Variants in GNB1 observed in about 807,000 individuals in gnomAD.
GNB1 encodes G protein subunit beta 1, also known as guanine nucleotide-binding protein G(I)/G(S)/G(T) subunit beta-1.
A neutral mutation model predicts 42.9 loss-of-function variants in GNB1; 2 were observed. That is an observed-to-expected ratio of 0.05 (90% CI 0.02 to 0.15). GNB1 has a LOEUF of 0.15. Among genes scored for constraint, GNB1 ranks in the 10% least tolerant of loss-of-function variants. The pLI is 1.00. For missense variants in GNB1, 193 were observed against 462.2 expected, an observed-to-expected ratio of 0.42 and a Z score of 5.34; for synonymous variants, 183 against 174.7, an observed-to-expected ratio of 1.05 and a Z score of -0.38.
At chr1:1,810,064 C>A (rs186750125) in intron 5 of GNB1, among the ~76,000 whole-genome samples, 2 of 151,808 alleles carry the variant, frequency 1.3e-5, no homozygotes, top group Admixed American at 6.6e-5. Flanking sequence ...GAGACCCTGT[C>A]TCCACAAAAA....
chr1:1,848,859 A>G (rs1647826671), intron 1 of GNB1, among the ~76,000 whole-genome samples: 1 of 152,158 alleles, frequency 6.6e-6, no homozygotes, highest in Admixed American at 6.5e-5. Flanking sequence ...TTACTTCTAC[A>G]TGTTTTTTGA....
At chr1:1,875,960 A>G (rs1031280572) in intron 1 of GNB1, among the ~76,000 whole-genome samples, 3 of 152,126 alleles carry the variant, frequency 2.0e-5, no homozygotes, top group Non-Finnish European at 4.4e-5. Context: ...CCCTAATCTA[A>G]TAACTATGTC....
rs1346329583 is a variant in GNB1, at chr1:1,787,649, C to A, written c.917-212G>T. On this transcript the variant is annotated intron_variant, in intron 10 of 11. Coordinates refer to ENST00000378609, the MANE Select transcript of GNB1 (RefSeq NM_002074.5). This position sits in a 1 kb window ranked among gnomAD's most constrained non-coding sequence, Gnocchi z 4.4. ...TAAAATTCAAAGACACGCACACACACGCAATCGATAAATCCAGAGCCCCTG... is the reference window on the plus strand; with the variant it reads ...TAAAATTCAAAGACACGCACACACAAGCAATCGATAAATCCAGAGCCCCTG... Among the ~76,000 whole-genome samples the A allele has an allele frequency of 6.6e-6, 1 of 152,166 alleles. No homozygotes were observed. The highest frequency in any genetic ancestry group is 2.4e-5 in the African/African-American group (1 of 41,444).
intron 3 of GNB1, chr1:1,818,190 C>T (rs958107407): frequency 2.6e-5 from 6 of 233,216 alleles, no homozygotes; most frequent in Admixed American, 4.6e-5. Flanking sequence ...CCCACACACC[C>T]GGGACCCTGG....
intron 1 of GNB1, among the ~76,000 whole-genome samples, chr1:1,844,989 A>G (rs1050960879): frequency 1.5e-4 from 23 of 152,230 alleles, no homozygotes; most frequent in African/African-American, 5.5e-4. Context: ...CTGAACAACT[A>G]GAATGTGAAA....
At chr1:1,807,466 A>G (rs1466332865) in intron 5 of GNB1, among the ~76,000 whole-genome samples, 2 of 101,654 alleles carry the variant, frequency 2.0e-5, no homozygotes, top group South Asian at 7.0e-4. Context: ...CCTGACTGAA[A>G]AAAAAAAAAA....
intron 1 of GNB1, among the ~76,000 whole-genome samples, chr1:1,888,045 C>T (rs1332493897): frequency 1.3e-5 from 2 of 152,138 alleles, no homozygotes; most frequent in African/African-American, 4.8e-5. Flanking sequence ...ACAGAATTAA[C>T]TGAAGATATC....
At chr1:1,883,732 G>C (rs532446488) in intron 1 of GNB1, among the ~76,000 whole-genome samples, 1 of 152,346 alleles carries the variant, frequency 6.6e-6, no homozygotes, top group South Asian at 2.1e-4. Flanking sequence ...TGGAAGGGTA[G>C]AAGTTGAACT....
At chr1:1,877,033 G>C (rs1261450957) in intron 1 of GNB1, among the ~76,000 whole-genome samples, 1 of 152,086 alleles carries the variant, frequency 6.6e-6, no homozygotes, top group East Asian at 1.9e-4. Flanking sequence ...AGGCGTGGTG[G>C]CTCATGCCTG....
chr1:1,811,137 G>A lies in GNB1; in HGVS notation c.204-4599C>T, dbSNP rs147245162. 5.3e-3 allele frequency among the ~76,000 whole-genome samples: 792 copies of A among 150,126 alleles called. 4 individuals carry two copies. The highest frequency in any genetic ancestry group is 0.018 in the African/African-American group (752 of 40,706). Reference sequence around the variant, plus strand: ...GTCTCACTCTGTTGCCCAGGCTGGAGTGCAGTGGTGTGATCTTGGCTCACT... The same window carrying A: ...GTCTCACTCTGTTGCCCAGGCTGGAATGCAGTGGTGTGATCTTGGCTCACT... On this transcript the variant is annotated intron_variant, in intron 5 of 11. Coordinates refer to ENST00000378609, the MANE Select transcript of GNB1 (RefSeq NM_002074.5).
intron 1 of GNB1, among the ~76,000 whole-genome samples, chr1:1,861,068 A>C (rs1648596434): frequency 7.1e-6 from 1 of 141,710 alleles, no homozygotes; most frequent in South Asian, 2.2e-4. Context: ...AGATGCTGCC[A>C]CTTGCACTCC....
intron 1 of GNB1, among the ~76,000 whole-genome samples, chr1:1,872,050 C>T (rs1649278642): frequency 6.6e-6 from 1 of 150,800 alleles, no homozygotes; most frequent in Admixed American, 6.6e-5. Context: ...TGCCCAGACT[C>T]GAGTACAGTT....
At chr1:1,827,248 C>T (rs1036940481) in intron 2 of GNB1, among the ~76,000 whole-genome samples, 7 of 152,330 alleles carry the variant, frequency 4.6e-5, no homozygotes, top group South Asian at 2.1e-4. Flanking sequence ...TTGATGTCTA[C>T]GGTCCACAGA....
intron 1 of GNB1, among the ~76,000 whole-genome samples, chr1:1,863,046 C>A (rs910791843): frequency 5.9e-5 from 9 of 152,188 alleles, no homozygotes; most frequent in Admixed American, 1.3e-4. Context: ...ATGTGTCTGA[C>A]CCTCAGCACT....
chr1:1,880,424 T>C (rs1016514751), intron 1 of GNB1, among the ~76,000 whole-genome samples: 1 of 151,724 alleles, frequency 6.6e-6, no homozygotes, highest in Non-Finnish European at 1.5e-5. Flanking sequence ...CCGCCTCTAC[T>C]AAAAATACAA....
intron 3 of GNB1, 115 bp from the exon 4 acceptor site, chr1:1,817,990 A>G: frequency 3.8e-6 from 3 of 784,292 alleles, no homozygotes; most frequent in Non-Finnish European, 6.6e-6. Flanking sequence ...CAAAAGCAGA[A>G]TGTGAAAGAA....
At chr1:1,885,702 G>A (rs1487550563) in intron 1 of GNB1, among the ~76,000 whole-genome samples, 1 of 150,342 alleles carries the variant, frequency 6.7e-6, no homozygotes, top group African/African-American at 2.4e-5. Flanking sequence ...GACTACAGGC[G>A]CCCGCCACCA....
intron 1 of GNB1, among the ~76,000 whole-genome samples, chr1:1,877,146 C>CA (rs1259433937): frequency 6.6e-6 from 1 of 151,530 alleles, no homozygotes; most frequent in Non-Finnish European, 1.5e-5. Context: ...ACTAAAAATA[C>CA]AAAATTAGCC....
intron 4 of GNB1, among the ~76,000 whole-genome samples, chr1:1,816,350 G>A (rs1646856015): frequency 6.6e-6 from 1 of 152,194 alleles, no homozygotes; most frequent in South Asian, 2.1e-4. Flanking sequence ...CACACCTGCT[G>A]AGCCCATCCT....
Sources: gnomAD v4.1 joint callset for allele counts (sites outside exome capture counted in the v4.1 genomes callset) on GRCh38, gnomAD v4.1.1 for gene constraint, Gnocchi (gnomAD v3.1) non-coding constraint, MANE v1.5 for transcripts, NCBI Gene and HGNC (gene_info 2026-07-23, HGNC 2026-07-21) for gene names.